RBFOX3: variants seen among roughly 807,000 people sequenced by gnomAD.
RBFOX3 encodes the protein RNA binding protein fox-1 homolog 3.
A neutral mutation model predicts 48.7 loss-of-function variants in RBFOX3; 17 were observed. The ratio of observed to expected loss-of-function variants is 0.35; its 90% CI spans 0.24 to 0.52. RBFOX3 has a LOEUF of 0.52. Among genes scored for constraint, RBFOX3 ranks in the 20% least tolerant of loss-of-function variants. The pLI is 0.94. For missense variants in RBFOX3, 382 were observed against 497.5 expected, an observed-to-expected ratio of 0.77 and a Z score of 2.21; for synonymous variants, 212 against 209.5, an observed-to-expected ratio of 1.01 and a Z score of -0.10.
intron 1 of RBFOX3, among the ~76,000 whole-genome samples, chr17:79,586,920 T>A (rs2093268453): frequency 6.6e-6 from 1 of 152,246 alleles, no homozygotes; most frequent in Non-Finnish European, 1.5e-5. Context: ...TCTGTGCAAG[T>A]CTGGTAATAC....
At chr17:79,622,356 C>T in the RBFOX3 span, among the ~76,000 whole-genome samples, 2 of 152,160 alleles carry the variant, frequency 1.3e-5, no homozygotes, top group Non-Finnish European at 2.9e-5. Context: ...GTACCCTGCA[C>T]CCTCCCCGGG....
At chr17:79,209,473 C>T (rs974744196) in intron 4 of RBFOX3, among the ~76,000 whole-genome samples, 3 of 152,192 alleles carry the variant, frequency 2.0e-5, no homozygotes, top group South Asian at 2.1e-4. Flanking sequence ...CACCATGGAA[C>T]AAAATGTGGC....
intron 4 of RBFOX3, among the ~76,000 whole-genome samples, chr17:79,189,237 G>A (rs2054006377): frequency 6.6e-6 from 1 of 152,230 alleles, no homozygotes; most frequent in Non-Finnish European, 1.5e-5. Context: ...AGTTAGGTAG[G>A]GAAGGTGTAA....
chr17:79,161,784 G>C (rs1010860151), intron 4 of RBFOX3, among the ~76,000 whole-genome samples: 1 of 151,978 alleles, frequency 6.6e-6, no homozygotes, highest in African/African-American at 2.4e-5. Flanking sequence ...TCCTAGAGAC[G>C]GGGTTTCACC....
At chr17:79,193,307 C>T (rs1470832577) in intron 4 of RBFOX3, among the ~76,000 whole-genome samples, 2 of 152,202 alleles carry the variant, frequency 1.3e-5, no homozygotes, top group Non-Finnish European at 2.9e-5. Flanking sequence ...TAACAGAGAA[C>T]CTGGTGCACA....
chr17:79,325,133 C>T (rs887236353), intron 2 of RBFOX3, among the ~76,000 whole-genome samples: 16 of 152,256 alleles, frequency 1.1e-4, no homozygotes, highest in African/African-American at 3.9e-4. Flanking sequence ...GTGCCCATTC[C>T]TGCTATGTGC....
chr17:79,546,687 T>TTTTTTTA (rs2090485673), intron 1 of RBFOX3, among the ~76,000 whole-genome samples: 1 of 144,690 alleles, frequency 6.9e-6, no homozygotes, highest in African/African-American at 2.8e-5. Flanking sequence ...TTTTTTTTTT[T>TTTTTTTA]GAGACACGGT....
chr17:79,188,445 G>A (rs942910245), intron 4 of RBFOX3, among the ~76,000 whole-genome samples: 1 of 152,204 alleles, frequency 6.6e-6, no homozygotes, highest in Non-Finnish European at 1.5e-5. Context: ...AGCCACATTC[G>A]GGTCCATCCG....
chr17:79,502,477 C>A (rs1480635371), intron 1 of RBFOX3, among the ~76,000 whole-genome samples: 2 of 152,156 alleles, frequency 1.3e-5, no homozygotes, highest in African/African-American at 4.8e-5. Flanking sequence ...TGTCACTGAA[C>A]GGGCCACTTT....
chr17:79,493,334 C>T (rs926986211), intron 1 of RBFOX3, among the ~76,000 whole-genome samples: 28 of 152,262 alleles, frequency 1.8e-4, no homozygotes, highest in African/African-American at 6.7e-4. Context: ...GATTTCAACA[C>T]GAGAGTTGGA....
intron 2 of RBFOX3, among the ~76,000 whole-genome samples, chr17:79,394,339 GA>G (rs2061726157): frequency 1.3e-5 from 2 of 152,228 alleles, no homozygotes; most frequent in Admixed American, 1.3e-4. Flanking sequence ...AGTGCAGAGT[GA>G]CCCTGAGGCC....
At chr17:79,403,786 T>C (rs1046717388) in intron 2 of RBFOX3, among the ~76,000 whole-genome samples, 18 of 146,006 alleles carry the variant, frequency 1.2e-4, no homozygotes, top group East Asian at 5.9e-4. Context: ...CTTTTTCTTT[T>C]TTTTTTTTTT....
the RBFOX3 span, among the ~76,000 whole-genome samples, chr17:79,657,282 A>G: frequency 6.6e-6 from 1 of 152,108 alleles, no homozygotes; most frequent in Non-Finnish European, 1.5e-5. Context: ...CAGGTCTTTA[A>G]GCATCCAAGT....
intron 3 of RBFOX3, among the ~76,000 whole-genome samples, chr17:79,303,221 A>T (rs565675248): frequency 2.6e-4 from 40 of 152,334 alleles, no homozygotes; most frequent in African/African-American, 9.1e-4. Context: ...TAGTCCATTT[A>T]TGCTATGATT....
chr17:79,175,555 TC>T (rs2050348040), intron 4 of RBFOX3, among the ~76,000 whole-genome samples: 1 of 152,208 alleles, frequency 6.6e-6, no homozygotes, highest in African/African-American at 2.4e-5. Flanking sequence ...GCAGCCCTCT[TC>T]CTGTCTCCAG....
upstream of RBFOX3, among the ~76,000 whole-genome samples, chr17:79,611,130 T>TCTCTCTCTCTCTC (rs1491548376): frequency 0.034 from 1,302 of 37,814 alleles, 591 homozygotes; most frequent in East Asian, 0.051. Context: ...TCCGCCCTCC[T>TCTCTCTCTCTCTC]TCTCTCTCTC....
At chr17:79,290,169 G>A (rs924351741) in intron 3 of RBFOX3, among the ~76,000 whole-genome samples, 1 of 152,090 alleles carries the variant, frequency 6.6e-6, no homozygotes, top group Non-Finnish European at 1.5e-5. Context: ...AGACACACAT[G>A]TCTGGAAGGG....
chr17:79,187,646 G>T (rs1054458319), intron 4 of RBFOX3, among the ~76,000 whole-genome samples: 1 of 152,088 alleles, frequency 6.6e-6, no homozygotes, highest in Non-Finnish European at 1.5e-5. Flanking sequence ...TGTGTGATGG[G>T]GTGTGGGGAG....
At chr17:79,636,622 TG>T in the RBFOX3 span, among the ~76,000 whole-genome samples, 5 of 152,296 alleles carry the variant, frequency 3.3e-5, no homozygotes, top group East Asian at 7.7e-4. Context: ...AACTATAAGA[TG>T]TTTTATGTAA....
Sources: allele counts gnomAD v4.1 joint callset (sites outside exome capture counted in the v4.1 genomes callset), GRCh38; gene constraint gnomAD v4.1.1; transcripts MANE v1.5; gene names NCBI Gene and HGNC (gene_info 2026-07-23, HGNC 2026-07-21).